Variants in BBOX1 observed in about 807,000 individuals in gnomAD.
BBOX1 encodes the protein gamma-butyrobetaine hydroxylase 1, also known as gamma-butyrobetaine dioxygenase.
Under a neutral mutation model 41.6 loss-of-function variants are expected in BBOX1, and 35 were observed. The observed-to-expected ratio is 0.84, with a 90% CI of 0.64 to 1.11. The LOEUF is 1.11. Ranked by LOEUF, BBOX1 falls within the 50% of genes most tolerant of loss-of-function variation. The pLI, the probability that BBOX1 is intolerant of heterozygous loss-of-function variation, is 0.00. For missense variants in BBOX1, 458 were observed against 460.6 expected, an observed-to-expected ratio of 0.99 and a Z score of 0.05; for synonymous variants, 163 against 154.7, an observed-to-expected ratio of 1.05 and a Z score of -0.40.
Position 27,115,556 on chromosome 11 carries a change from G to C in BBOX1, c.638G>C (p.Gly213Ala). ...TDYPALHHPP[G>A]VQLLHCIKQT... ...TATCCAGCCCTCCATCATCCACCTG[G>C]GGTAAGTGAGCTTCAACATATTTTC... Residue 213 changes from glycine (G) to alanine (A), a missense_variant and splice_region_variant, in exon 6 of 9, where the codon GGG becomes GCG. Transcript: ENST00000263182. 1.2e-6 allele frequency: 2 copies of C among 1,605,960 alleles called. No homozygotes were observed. The highest frequency in any genetic ancestry group is 1.7e-6 in the Non-Finnish European group (2 of 1,174,964).
chr11:27,098,528 A>G (rs1229035549), intron 5 of BBOX1, among the ~76,000 whole-genome samples: 6 of 152,104 alleles, frequency 3.9e-5, no homozygotes, highest in Non-Finnish European at 7.4e-5. Flanking sequence ...CAAAATGAAC[A>G]ACACTTGTGT....
chr11:27,107,191 G>A (rs2134076094), intron 5 of BBOX1, among the ~76,000 whole-genome samples: 1 of 152,172 alleles, frequency 6.6e-6, no homozygotes, highest in East Asian at 1.9e-4. Context: ...AGAGAACCAA[G>A]AGCAAACACA....
At chr11:27,060,611 T>C (rs1857107498) in intron 4 of BBOX1, among the ~76,000 whole-genome samples, 1 of 152,212 alleles carries the variant, frequency 6.6e-6, no homozygotes, top group Non-Finnish European at 1.5e-5. Context: ...TAACTCTCCG[T>C]GGCTTTAAAT....
At position 27,127,335 on chromosome 11, in the gene BBOX1, G is replaced by A. The variant is rs755250948; in HGVS notation, c.1046G>A (p.Arg349Gln). ...TFDNWRLLHG[R>Q]RSYEAGTEIS... ...GATAACTGGCGCTTACTTCATGGCCGACGTAGCTATGAAGCAGGAACTGAG... is the reference window on the plus strand; with the variant it reads ...GATAACTGGCGCTTACTTCATGGCCAACGTAGCTATGAAGCAGGAACTGAG... The change falls in exon 9 of 9, where the codon CGA becomes CAA. Residue 349 changes from arginine (R) to glutamine (Q), a missense_variant. Arg to Gln is a conservative substitution (Grantham distance 43, BLOSUM62 1). Coordinates refer to ENST00000263182, the MANE Select transcript of BBOX1 (RefSeq NM_003986.3). 13 of 1,613,940 alleles carry A rather than the reference G, an allele frequency of 8.1e-6. No individual in the cohort carries two copies. The highest frequency in any genetic ancestry group is 7.7e-5 in the South Asian group (7 of 91,076).
intron 6 of BBOX1, among the ~76,000 whole-genome samples, chr11:27,116,044 C>T (rs1297939268): frequency 6.6e-6 from 1 of 151,912 alleles, no homozygotes; most frequent in Non-Finnish European, 1.5e-5. Context: ...CAGCACTGTT[C>T]ACAATAGCAA....
chr11:27,101,421 T>C (rs1193661226), intron 5 of BBOX1, among the ~76,000 whole-genome samples: 1 of 152,136 alleles, frequency 6.6e-6, no homozygotes, highest in Non-Finnish European at 1.5e-5. Flanking sequence ...ATAAAATGCA[T>C]TAAGCAAAAT....
chr11:27,103,581 A>AT (rs1286907161), intron 5 of BBOX1, among the ~76,000 whole-genome samples: 1 of 151,022 alleles, frequency 6.6e-6, no homozygotes, highest in Non-Finnish European at 1.5e-5. Context: ...GAGTTTTTAA[A>AT]TTTTTTTCTT....
intron 8 of BBOX1, 85 bp downstream of exon 8, chr11:27,125,905 T>C: frequency 2.1e-6 from 3 of 1,419,700 alleles, no homozygotes; most frequent in South Asian, 2.9e-5. Context: ...GAGCAGTTTT[T>C]CTCAGGTATG....
intron 4 of BBOX1, among the ~76,000 whole-genome samples, chr11:27,085,720 G>T (rs1172208046): frequency 1.3e-5 from 2 of 152,070 alleles, no homozygotes; most frequent in East Asian, 3.9e-4. Context: ...TCAAGAGCTA[G>T]AAATTATTAC....
rs546852065 is a variant in BBOX1 at position 27,080,852 on chromosome 11, T to A, written c.335-12316T>A. On this transcript the variant is annotated intron_variant, in intron 4 of 8. Coordinates refer to ENST00000263182, the MANE Select transcript of BBOX1 (RefSeq NM_003986.3). ...CTAGAGATTACAATAAAATCAGTCA[T>A]CCTCATGTGTTTTCCTCCACATTTA... is the stretch of plus-strand genomic sequence containing the variant. 4.6e-5 allele frequency among the ~76,000 whole-genome samples: 7 copies of A among 152,296 alleles called. No homozygotes were observed. In the South Asian group the frequency reaches 1.5e-3, roughly 32 times the overall value.
intron 4 of BBOX1, among the ~76,000 whole-genome samples, chr11:27,083,388 C>T (rs1254010245): frequency 6.6e-6 from 1 of 152,016 alleles, no homozygotes; most frequent in Non-Finnish European, 1.5e-5. Flanking sequence ...TTGCCTGAGC[C>T]AGCCCTTGCC....
At chr11:27,102,329 T>C (rs1334716610) in intron 5 of BBOX1, among the ~76,000 whole-genome samples, 1 of 152,020 alleles carries the variant, frequency 6.6e-6, no homozygotes, top group Non-Finnish European at 1.5e-5. Flanking sequence ...TAAAATATAA[T>C]ACAGATACAG....
Position 27,127,578 on chromosome 11 carries a change from T to A in BBOX1, c.*125T>A. 1 of 1,110,288 alleles carries A rather than the reference T, an allele frequency of 9.0e-7. No individual in the cohort carries two copies. The highest frequency in any genetic ancestry group is 1.3e-6 in the Non-Finnish European group (1 of 793,150). 68.8% of individuals were successfully genotyped at this position (1,110,288 alleles called of 1,614,324 possible). On this transcript the variant is annotated 3_prime_UTR_variant, in exon 9 of 9. Coordinates refer to ENST00000263182, the MANE Select transcript of BBOX1 (RefSeq NM_003986.3). Reference sequence around the variant, plus strand: ...TCCTTAACAATGAACATGTAACTTCTCTCACAAGAGTACTCTTTACTTTGT... The same window carrying A: ...TCCTTAACAATGAACATGTAACTTCACTCACAAGAGTACTCTTTACTTTGT...
At chr11:27,053,959 A>G (rs557423538) in intron 2 of BBOX1, among the ~76,000 whole-genome samples, 2 of 152,158 alleles carry the variant, frequency 1.3e-5, no homozygotes, top group Admixed American at 6.5e-5. Context: ...TATTTTTCCT[A>G]TTGACTCTGC....
intron 4 of BBOX1, among the ~76,000 whole-genome samples, chr11:27,078,481 C>A (rs937784357): frequency 2.6e-5 from 4 of 152,074 alleles, no homozygotes; most frequent in African/African-American, 9.7e-5. Flanking sequence ...ATCCCCCCAC[C>A]ATGGAATACT....
chr11:27,076,769 A>C (rs1225976781), intron 4 of BBOX1, among the ~76,000 whole-genome samples: 1 of 152,130 alleles, frequency 6.6e-6, no homozygotes, highest in Non-Finnish European at 1.5e-5. Context: ...ATTGGAGGGC[A>C]GTTCTCTTGC....
At chr11:27,093,787 G>A (rs896706023) in intron 5 of BBOX1, among the ~76,000 whole-genome samples, 4 of 151,856 alleles carry the variant, frequency 2.6e-5, no homozygotes, top group Admixed American at 6.6e-5. Flanking sequence ...CTGTGTCCTC[G>A]CATAGCCTTT....
At chr11:27,114,839 C>T (rs182870152) in intron 5 of BBOX1, among the ~76,000 whole-genome samples, 43 of 151,834 alleles carry the variant, frequency 2.8e-4, no homozygotes, top group African/African-American at 9.4e-4. Flanking sequence ...TTGGATTGGG[C>T]AGTGGATTCT....
intron 6 of BBOX1, among the ~76,000 whole-genome samples, chr11:27,117,889 G>A (rs1285382467): frequency 1.3e-5 from 2 of 151,860 alleles, no homozygotes; most frequent in Admixed American, 6.6e-5. Context: ...AATGAAACAC[G>A]AGATTCAATA....
Sources: gnomAD v4.1 joint callset for allele counts (sites outside exome capture counted in the v4.1 genomes callset) on GRCh38, gnomAD v4.1.1 for gene constraint, MANE v1.5 for transcripts, NCBI Gene and HGNC (gene_info 2026-07-23, HGNC 2026-07-21) for gene names.